Variants in PARD6G observed in about 807,000 individuals in gnomAD.
PARD6G encodes the protein partitioning defective 6 homolog gamma.
PARD6G carries 7 observed loss-of-function variants against 10.7 expected under a neutral mutation model. The observed-to-expected ratio is 0.66, with a 90% confidence interval of 0.37 to 1.23. The LOEUF (loss-of-function observed/expected upper bound fraction) is 1.23. Ranked by LOEUF, PARD6G falls within the 50% of genes most tolerant of loss-of-function variation. The pLI is 0.02. For synonymous variants in PARD6G, 287 were observed against 269.4 expected (o/e 1.07, Z -0.64); for missense variants, 548 against 571.8 (o/e 0.96, Z 0.42).
intron 1 of PARD6G, among the ~76,000 whole-genome samples, chr18:80,218,246 G>A (rs952247913): frequency 2.6e-5 from 4 of 152,040 alleles, no homozygotes; most frequent in Admixed American, 6.6e-5. Flanking sequence ...TCTCATGTGA[G>A]ACAAGCCAAG....
chr18:80,163,612 G>C (rs976145290), intron 2 of PARD6G, among the ~76,000 whole-genome samples: 4 of 152,172 alleles, frequency 2.6e-5, no homozygotes, highest in African/African-American at 7.2e-5. Flanking sequence ...GAAGCATCTC[G>C]GCCATCCCCA....
intron 2 of PARD6G, among the ~76,000 whole-genome samples, chr18:80,194,280 G>C (rs1025267296): frequency 6.6e-6 from 1 of 152,182 alleles, no homozygotes; most frequent in Non-Finnish European, 1.5e-5. Context: ...TTAGTGTGAG[G>C]TGCGTGCCTG....
intron 2 of PARD6G, chr18:80,187,862 T>G (rs1189119154): frequency 2.0e-5 from 3 of 152,198 alleles, no homozygotes; most frequent in Non-Finnish European, 2.9e-5. Context: ...CCAGGCTACG[T>G]GGAGTAGCCC....
rs113055930 is a variant in PARD6G at position 80,184,584 on chromosome 18, C to T, written c.295+18126G>A. On this transcript the variant is annotated intron_variant, in intron 2 of 2. Transcript: ENST00000353265. The surrounding 1 kb of genome is among the most constrained non-coding windows in gnomAD (Gnocchi z 4.5). ...GGGAGCAAGGCCGTGAAACCCGCAG[C>T]GGGAGCGAGGCGCGGAAACAGGCCA... is the stretch of plus-strand genomic sequence containing the variant. 3,804 of 151,866 alleles carry T rather than the reference C, an allele frequency of 0.025. 73 individuals carry two copies. Among genetic ancestry groups the T allele is most frequent in the Middle Eastern group, 0.051 (15 of 294 alleles). 9.4% of individuals were successfully genotyped at this position (151,866 alleles called of 1,614,324 possible). A position where few individuals can be genotyped will look rare whatever the true frequency, so the allele number is the denominator to read the frequency against.
Position 80,181,278 on chromosome 18 carries a change from G to A in PARD6G, c.296-20672C>T, listed in dbSNP as rs1490117779. 2.6e-5 allele frequency among the ~76,000 whole-genome samples: 4 copies of A among 152,164 alleles called. No individual in the cohort carries two copies. Among genetic ancestry groups the A allele is most frequent in the Admixed American group, 2.0e-4 (3 of 15,288 alleles). ...CTGGGGGATAGGAGAGGTGGTGTCT[G>A]TCCCCTGGTCCCTCAGCCAAGTCAG... On this transcript the variant is annotated intron_variant, in intron 2 of 2. Transcript: ENST00000353265. The surrounding 1 kb of genome is among the most constrained non-coding windows in gnomAD (Gnocchi z 7.9).
intron 2 of PARD6G, chr18:80,202,509 G>C (rs767326797): frequency 1.1e-5 from 6 of 528,062 alleles, no homozygotes; most frequent in Non-Finnish European, 1.7e-5. Context: ...TTAAAAGTCA[G>C]AAGTCAATAT....
chr18:80,175,390 T>C lies in PARD6G; in HGVS notation c.296-14784A>G, dbSNP rs143594843. On this transcript the variant is annotated intron_variant, in intron 2 of 2. Transcript: ENST00000353265. This position sits in a 1 kb window ranked among gnomAD's most constrained non-coding sequence, Gnocchi z 6.7. Reference sequence around the variant, plus strand: ...TCTGGGGAGGGCTCTCTTCCCGGCTTACAGACAGCTGCCTTCTTCCTGTAT... The same window carrying C: ...TCTGGGGAGGGCTCTCTTCCCGGCTCACAGACAGCTGCCTTCTTCCTGTAT... 4.3e-4 allele frequency among the ~76,000 whole-genome samples: 65 copies of C among 152,316 alleles called. No individual in the cohort carries two copies. Among genetic ancestry groups the C allele is most frequent in the African/African-American group, 1.5e-3 (62 of 41,564 alleles).
chr18:80,239,342 G>A (rs1208340807), intron 1 of PARD6G, among the ~76,000 whole-genome samples: 6 of 152,202 alleles, frequency 3.9e-5, no homozygotes, highest in East Asian at 1.9e-4. Flanking sequence ...AAGAGGAAGT[G>A]TGTAGGGCTG....
At chr18:80,221,457 T>A (rs983121537) in intron 1 of PARD6G, among the ~76,000 whole-genome samples, 13 of 152,192 alleles carry the variant, frequency 8.5e-5, no homozygotes, top group African/African-American at 2.9e-4. Flanking sequence ...AAAAGCCATA[T>A]GATCATGTCA....
At chr18:80,230,413 C>T (rs925157409) in intron 1 of PARD6G, among the ~76,000 whole-genome samples, 11 of 152,196 alleles carry the variant, frequency 7.2e-5, no homozygotes, top group African/African-American at 2.4e-4. Context: ...CAGTAGTTTG[C>T]TATAGAATGA....
rs150022872 is a variant in PARD6G at position 80,202,756 on chromosome 18, C to T, written c.249G>A (p.Ala83=). 462 of 1,613,672 alleles carry T rather than the reference C, an allele frequency of 2.9e-4. 1 individual carries two copies. The African/African-American group carries it at 5.1e-3, about 18-fold the overall frequency. The change falls in exon 2 of 3, where the codon GCG becomes GCA. Residue 83 remains alanine (A), a synonymous_variant. Transcript: ENST00000353265. The part of the protein sequence containing the change: ...PINNDDNFCK[A]VSSANPLLRV... ...TGAGCAGGGGATTTGCACTAGAAAC[C>T]GCCTTGCAGAAGTTGTCATCATTGT...
At chr18:80,224,037 G>A (rs1314013986) in intron 1 of PARD6G, among the ~76,000 whole-genome samples, 2 of 152,182 alleles carry the variant, frequency 1.3e-5, no homozygotes, top group Non-Finnish European at 2.9e-5. Flanking sequence ...GGTAGAACTT[G>A]CCTTCCCTCA....
At chr18:80,241,069 G>GA (rs1281539505) in intron 1 of PARD6G, among the ~76,000 whole-genome samples, 2 of 152,294 alleles carry the variant, frequency 1.3e-5, no homozygotes, top group African/African-American at 4.8e-5. Context: ...AGTGATGCAA[G>GA]AAAAATAGAA....
chr18:80,221,124 C>T (rs950368899), intron 1 of PARD6G, among the ~76,000 whole-genome samples: 1 of 152,148 alleles, frequency 6.6e-6, no homozygotes, highest in Non-Finnish European at 1.5e-5. Flanking sequence ...GATGGTTTCA[C>T]TGGCCACTTA....
chr18:80,187,553 G>A (rs541666025), intron 2 of PARD6G, among the ~76,000 whole-genome samples: 1 of 152,318 alleles, frequency 6.6e-6, no homozygotes, highest in Admixed American at 6.5e-5. Flanking sequence ...TTGTGGGAGG[G>A]TCACGAGGAA....
At chr18:80,239,920 T>C (rs1967471091) in intron 1 of PARD6G, among the ~76,000 whole-genome samples, 1 of 152,238 alleles carries the variant, frequency 6.6e-6, no homozygotes, top group Non-Finnish European at 1.5e-5. Context: ...CAGTATCTGT[T>C]TCTGGGGAGG....
In PARD6G at chr18:80,159,968, G is replaced by A; in HGVS notation, c.934C>T (p.Pro312Ser). Residue 312 changes from proline (P) to serine (S), a missense_variant, in exon 3 of 3, where the codon CCC becomes TCC. Pro to Ser is a moderately conservative substitution (Grantham distance 74). Around this residue, in one of 2 missense-constraint regions of PARD6G, gnomAD observed 313 missense variants for 279.9 expected, o/e 1.12. Transcript: ENST00000353265. ...VIEGTLEPARPPQTPGAPAGS... is the reference protein window; with the variant it reads ...VIEGTLEPARSPQTPGAPAGS... ...GCGGGCGCGCCCGGGGTCTGGGGGG[G>A]ACGTGCAGGCTCCAGTGTGCCCTCG... 2.0e-6 allele frequency: 3 copies of A among 1,500,300 alleles called. No individual in the cohort carries two copies. The highest frequency in any genetic ancestry group is 2.6e-6 in the Non-Finnish European group (3 of 1,134,344). The allele number at this position is 1,500,300 out of a possible 1,614,324, so 92.9% of individuals were successfully genotyped here. A position where few individuals can be genotyped will look rare whatever the true frequency, so the allele number is the denominator to read the frequency against.
chr18:80,238,119 TG>T (rs533576951), intron 1 of PARD6G, among the ~76,000 whole-genome samples: 79 of 152,136 alleles, frequency 5.2e-4, no homozygotes, highest in African/African-American at 1.8e-3. Context: ...AATGATAGAC[TG>T]GAAAATGTGG....
chr18:80,208,086 CTG>C, intron 1 of PARD6G, among the ~76,000 whole-genome samples: 1 of 151,802 alleles, frequency 6.6e-6, no homozygotes, highest in East Asian at 1.9e-4. Flanking sequence ...TTAGATTTCA[CTG>C]TATCAAATCA....
Sources: allele counts gnomAD v4.1 joint callset (sites outside exome capture counted in the v4.1 genomes callset), GRCh38; gene constraint gnomAD v4.1.1; regional missense constraint gnomAD v4.1.1; non-coding constraint Gnocchi (gnomAD v3.1); transcripts MANE v1.5; gene names NCBI Gene and HGNC (gene_info 2026-07-23, HGNC 2026-07-21).